The following IDO2 variants were observed in gnomAD, a reference collection of about 807,000 sequenced individuals.
The protein encoded by IDO2 is indoleamine 2,3-dioxygenase-like 1 protein.
A neutral mutation model predicts 45.1 loss-of-function variants in IDO2; 46 were observed. That is an observed-to-expected ratio of 1.02 (90% CI 0.80 to 1.30). The LOEUF (loss-of-function observed/expected upper bound fraction) is 1.30. Ranked by LOEUF, IDO2 falls within the 50% of genes most tolerant of loss-of-function variation. The probability of loss-of-function intolerance (pLI) is 0.00; values close to 1 mark genes in which losing one functional copy is unlikely to be tolerated. For synonymous variants in IDO2, 218 were observed against 184.9 expected (o/e 1.18, Z -1.45); for missense variants, 544 against 491.8 (o/e 1.11, Z -1.00).
chr8:39,958,199 C>T (rs2129593660), intron 2 of IDO2, among the ~76,000 whole-genome samples: 1 of 149,534 alleles, frequency 6.7e-6, no homozygotes, highest in South Asian at 2.1e-4. Context: ...GCCACCGCGC[C>T]CAGACTTTAT....
intron 5 of IDO2, 67 bp downstream of exon 5, chr8:39,982,837 T>C: frequency 9.6e-7 from 1 of 1,040,272 alleles, no homozygotes; most frequent in Non-Finnish European, 1.4e-6. Context: ...GGCTTTTTTT[T>C]ATAATTAGGG....
Position 39,987,985 on chromosome 8 carries a change from G to GAT in IDO2, c.549+17_549+18dup. 6.8e-7 allele frequency: 1 copy of GAT among 1,469,398 alleles called. No individual in the cohort carries two copies. Among genetic ancestry groups the GAT allele is most frequent in the African/African-American group, 1.4e-5 (1 of 72,232 alleles). The allele number at this position is 1,469,398 out of a possible 1,614,324, so 91.0% of individuals were successfully genotyped here. On this transcript the variant is annotated intron_variant, in intron 7 of 10. Coordinates refer to ENST00000502986, the Ensembl canonical transcript of IDO2. ...CTGGGATAAAGGTATCTTCTCACTT[G>GAT]ATAGCACCTTTTCTTTTTAAATGAG...
Position 39,965,128 on chromosome 8 carries a change from C to G in IDO2, c.195+1425C>G, listed in dbSNP as rs542629021. Reference sequence around the variant, plus strand: ...GGCTCCTCTTAGCACAGCATTGAAACCAGTCCCTATTCCTTCTTGGCCTTT... The same window carrying G: ...GGCTCCTCTTAGCACAGCATTGAAAGCAGTCCCTATTCCTTCTTGGCCTTT... On this transcript the variant is annotated intron_variant, in intron 3 of 10. Transcript: ENST00000502986. 5.3e-5 allele frequency among the ~76,000 whole-genome samples: 8 copies of G among 152,338 alleles called. No homozygotes were observed. In the East Asian group the frequency reaches 7.7e-4, roughly 15 times the overall value.
intron 3 of IDO2, among the ~76,000 whole-genome samples, chr8:39,965,303 T>C (rs972785183): frequency 6.6e-6 from 1 of 152,054 alleles, no homozygotes; most frequent in Non-Finnish European, 1.5e-5. Context: ...CTGAGAAACA[T>C]GGTGAAACCA....
intron 2 of IDO2, among the ~76,000 whole-genome samples, chr8:39,955,139 G>A (rs1211234233): frequency 6.7e-6 from 1 of 149,754 alleles, no homozygotes; most frequent in Non-Finnish European, 1.5e-5. Context: ...ACACAATTTA[G>A]CACATAGCAG....
At chr8:39,990,234 A>G (rs748649788) in intron 8 of IDO2, among the ~76,000 whole-genome samples, 39 of 151,680 alleles carry the variant, frequency 2.6e-4, no homozygotes, top group Admixed American at 2.0e-3. Flanking sequence ...TTTTATTCTA[A>G]CCCCCTGTGT....
At chr8:39,935,313 T>C in intron 1 of IDO2, 95 bp downstream of exon 1, 1 of 974,762 alleles carries the variant, frequency 1.0e-6, no homozygotes, top group Non-Finnish European at 1.6e-6. Flanking sequence ...GGAAAATCAC[T>C]GTTCTCTATT....
chr8:39,979,214 T>A, intron 4 of IDO2, 28 bp downstream of exon 4: 1 of 1,558,880 alleles, frequency 6.4e-7, no homozygotes, highest in Non-Finnish European at 8.7e-7. Flanking sequence ...GCTTCTCCTG[T>A]TACCCGGCAG....
intron 3 of IDO2, among the ~76,000 whole-genome samples, chr8:39,972,044 A>G (rs1320892533): frequency 6.6e-6 from 1 of 152,124 alleles, no homozygotes; most frequent in Non-Finnish European, 1.5e-5. Context: ...TCCTGGCATC[A>G]GGTGATCCAC....
chr8:40,010,777 A>C (rs889352381), intron 9 of IDO2, among the ~76,000 whole-genome samples: 4 of 152,224 alleles, frequency 2.6e-5, no homozygotes, highest in African/African-American at 9.6e-5. Flanking sequence ...CAAAGAAGAA[A>C]GGAAATCAGG....
chr8:39,976,702 G>T (rs1162207422), intron 3 of IDO2, among the ~76,000 whole-genome samples: 1 of 152,122 alleles, frequency 6.6e-6, no homozygotes, highest in African/African-American at 2.4e-5. Context: ...GCTTTTAGAG[G>T]GAAAATCACA....
chr8:39,996,258 G>A (rs1265554502), intron 8 of IDO2, among the ~76,000 whole-genome samples: 3 of 152,186 alleles, frequency 2.0e-5, no homozygotes, highest in East Asian at 1.9e-4. Flanking sequence ...CTGTGCTTCA[G>A]CGGTCACGCT....
At chr8:39,994,139 T>C (rs978264172) in intron 8 of IDO2, among the ~76,000 whole-genome samples, 1 of 152,218 alleles carries the variant, frequency 6.6e-6, no homozygotes, top group African/African-American at 2.4e-5. Context: ...CAAATGGTAT[T>C]TATTAAAATA....
intron 2 of IDO2, among the ~76,000 whole-genome samples, chr8:39,961,631 T>C (rs1041889847): frequency 6.6e-6 from 1 of 152,082 alleles, no homozygotes; most frequent in Non-Finnish European, 1.5e-5. Context: ...CCCAATTGTA[T>C]GTTTCTAATA....
chr8:39,966,357 A>G (rs1021010213), intron 3 of IDO2, among the ~76,000 whole-genome samples: 1 of 152,130 alleles, frequency 6.6e-6, no homozygotes. Flanking sequence ...CCTGGAAAAT[A>G]CCTAACAAAT....
chr8:39,991,963 C>T (rs73676915), intron 8 of IDO2, among the ~76,000 whole-genome samples: 1,848 of 152,356 alleles, frequency 0.012, 44 homozygotes, highest in African/African-American at 0.043. Context: ...CCAGGGCTAC[C>T]GCCCTTGTTT....
At chr8:39,935,424 GGTTGTTGTTGTTGTT>G (rs72187471) in intron 1 of IDO2, among the ~76,000 whole-genome samples, 19 of 150,000 alleles carry the variant, frequency 1.3e-4, no homozygotes, top group Admixed American at 4.0e-4. Flanking sequence ...TTACTTTTCT[GGTTGTTGTTGTTGTT>G]GTTGTTGTTG....
intron 2 of IDO2, among the ~76,000 whole-genome samples, chr8:39,953,324 T>C (rs574064529): frequency 3.5e-4 from 54 of 152,318 alleles, no homozygotes; most frequent in African/African-American, 1.2e-3. Flanking sequence ...ATAGCAAAAG[T>C]ACTTGGGGAG....
intron 3 of IDO2, among the ~76,000 whole-genome samples, chr8:39,971,313 G>A (rs925781322): frequency 3.3e-5 from 5 of 152,050 alleles, no homozygotes; most frequent in South Asian, 2.1e-4. Flanking sequence ...TCACTGTTGC[G>A]ACCTACTGCT....
Sources: allele counts gnomAD v4.1 joint callset (sites outside exome capture counted in the v4.1 genomes callset), GRCh38; gene constraint gnomAD v4.1.1; transcripts MANE v1.5; gene names NCBI Gene and HGNC (gene_info 2026-07-23, HGNC 2026-07-21).